The following ARSA variants were observed in gnomAD, a reference collection of about 807,000 sequenced individuals.
ARSA encodes the protein cerebroside-sulfatase.
Under a neutral mutation model 37.8 loss-of-function variants are expected in ARSA, and 32 were observed. That is an observed-to-expected ratio of 0.85 (90% confidence interval 0.64 to 1.14). ARSA has a LOEUF of 1.14. ARSA is among the 50% of genes most tolerant of loss of function. The pLI is 0.00. For synonymous variants in ARSA, 303 were observed against 303.4 expected, an observed-to-expected ratio of 1.00 and a Z score of 0.01; for missense variants, 685 against 686.3, an observed-to-expected ratio of 1.00 and a Z score of 0.02.
rs1194275343 is a variant in ARSA at position 50,624,974 on chromosome 22, G to A, written c.*171C>T. ...CCTCAGTTTCCTCATTCGTACCACA[G>A]GGGACCGGCACCAGCACACAGCATT... On this transcript the variant is annotated 3_prime_UTR_variant, in exon 8 of 8. Transcript: ENST00000216124. The A allele has an allele frequency of 1.3e-6, 1 of 788,696 alleles. No homozygotes were observed. Among genetic ancestry groups the A allele is most frequent in the Admixed American group, 3.1e-5 (1 of 31,812 alleles). The allele number at this position is 788,696 out of a possible 1,614,324, so 48.9% of individuals were successfully genotyped here.
At position 50,627,601 on chromosome 22, in the gene ARSA, C is replaced by G. The variant is rs750005732; in HGVS notation, c.179G>C (p.Arg60Pro). The change falls in exon 1 of 8, where the codon CGG (arginine) becomes CCG (proline). Residue 60 changes from arginine to proline, a missense_variant. Transcript: ENST00000216124. ...CACAGGCACGTAGAAGTCTGTGAAC[C>G]GCAGCCCTCCCGCCGCCAGCTGGTC... is the stretch of plus-strand genomic sequence containing the variant. Reference protein sequence around the residue: ...NLDQLAAGGLRFTDFYVPVSL... With the variant: ...NLDQLAAGGLPFTDFYVPVSL... 1 of 1,563,266 alleles carries G rather than the reference C, an allele frequency of 6.4e-7. No individual in the cohort carries two copies. Among genetic ancestry groups the G allele is most frequent in the East Asian group, 2.4e-5 (1 of 42,154 alleles).
chr22:50,626,684 A>T lies in ARSA; in HGVS notation c.761T>A (p.Met254Lys). The T allele has an allele frequency of 6.2e-7, 1 of 1,614,132 alleles. No individual in the cohort carries two copies. The highest frequency in any genetic ancestry group is 8.5e-7 in the Non-Finnish European group (1 of 1,180,014). ...SGRGPFGDSLMELDAAVGTLM... is the reference protein window; with the variant it reads ...SGRGPFGDSLKELDAAVGTLM... ...GGTCCCCACAGCTGCATCCAGCTCC[A>T]TCAGGGAGTCCCCAAATGGCCCGCG... The change falls in exon 4 of 8, where the codon ATG (methionine) becomes AAG (lysine). Residue 254 changes from methionine to lysine, a missense_variant. By Grantham distance (95) the Met-to-Lys change is moderately conservative. Transcript: ENST00000216124.
At position 50,625,284 on chromosome 22, in the gene ARSA, A is replaced by G. The variant is rs1359163831; in HGVS notation, c.1391T>C (p.Leu464Pro). 1 of 1,612,910 alleles carries G rather than the reference A, an allele frequency of 6.2e-7. No individual in the cohort carries two copies. Among genetic ancestry groups the G allele is most frequent in the Non-Finnish European group, 8.5e-7 (1 of 1,179,894 alleles). Residue 464 changes from leucine (L) to proline (P), a missense_variant, in exon 8 of 8, where the codon CTC becomes CCC. Transcript: ENST00000216124. The part of the protein sequence containing the change: ...VLQALKQLQL[L>P]KAQLDAAVTF... ...CACAGCTGCGTCTAACTGGGCCTTG[A>G]GCAGCTGAAGCTGTTTCAGGGCTTG... is the stretch of plus-strand genomic sequence containing the variant.
chr22:50,627,126 G>A (rs1234719108), intron 2 of ARSA, 40 bp downstream of exon 2: 2 of 1,596,470 alleles, frequency 1.3e-6, no homozygotes, highest in Non-Finnish European at 1.7e-6. Context: ...GGGGGACTTT[G>A]GGAGGTGGGA....
rs1384553449 is a variant in ARSA at position 50,625,646 on chromosome 22, G to A, written c.1143C>T (p.Tyr381=). ...CAAAAACCCCACGGACCTCGTCTGG[G>A]TAGGACGGGTAGAAGAAGAGAGACT... is the stretch of plus-strand genomic sequence containing the variant. ...PRQSLFFYPS[Y]PDEVRGVFAV... The change falls in exon 7 of 8, where the codon TAC becomes TAT. Residue 381 remains tyrosine (Y), a synonymous_variant. Coordinates refer to ENST00000216124, the MANE Select transcript of ARSA (RefSeq NM_000487.6). 1 of 1,613,766 alleles carries A rather than the reference G, an allele frequency of 6.2e-7. No individual in the cohort carries two copies. Among genetic ancestry groups the A allele is most frequent in the Admixed American group, 1.7e-5 (1 of 60,024 alleles).
chr22:50,626,573 G>A lies in ARSA; in HGVS notation c.854+18C>T. The A allele has an allele frequency of 3.7e-6, 6 of 1,611,172 alleles. No homozygotes were observed. Among genetic ancestry groups the A allele is most frequent in the Non-Finnish European group, 5.1e-6 (6 of 1,180,030 alleles). ...GCCCGTGACAGGGCCGGAGCACCCAGCTGCCCTGCTGGCATACCCATTGTC... is the reference window on the plus strand; with the variant it reads ...GCCCGTGACAGGGCCGGAGCACCCAACTGCCCTGCTGGCATACCCATTGTC... On this transcript the variant is annotated intron_variant, in intron 4 of 7. Coordinates refer to ENST00000216124, the MANE Select transcript of ARSA (RefSeq NM_000487.6).
At chr22:50,627,477 T>A in intron 1 of ARSA, 71 bp from the exon 2 acceptor site, 1 of 1,595,618 alleles carries the variant, frequency 6.3e-7, no homozygotes, top group Non-Finnish European at 8.5e-7. Context: ...AGACAGACGT[T>A]TTTCCCGCCC....
Position 50,626,165 on chromosome 22 carries a change from T to C in ARSA, c.968A>G (p.His323Arg). The C allele has an allele frequency of 6.2e-7, 1 of 1,605,226 alleles. No individual in the cohort carries two copies. Among genetic ancestry groups the C allele is most frequent in the South Asian group, 1.1e-5 (1 of 89,468 alleles). Residue 323 changes from histidine (H) to arginine (R), a missense_variant, in exon 5 of 8, where the codon CAT becomes CGT. Physicochemically the swap from His to Arg is conservative, Grantham distance 29. Transcript: ENST00000216124. Reference sequence around the variant, plus strand: ...GCCTGCGGACTGACCGGGAGCGATATGACCTGGCCAGAAGGCCAAGGCAGG... The same window carrying C: ...GCCTGCGGACTGACCGGGAGCGATACGACCTGGCCAGAAGGCCAAGGCAGG... ...REPALAFWPG[H>R]IAPGVTHELA...
chr22:50,626,719 C>A lies in ARSA; in HGVS notation c.726G>T (p.Glu242Asp). The A allele has an allele frequency of 6.2e-7, 1 of 1,614,104 alleles. No individual in the cohort carries two copies. Among genetic ancestry groups the A allele is most frequent in the Non-Finnish European group, 8.5e-7 (1 of 1,179,994 alleles). ...CCCCAAATGGCCCGCGGCCTGAACGCTCTGCAAAGCTCTGCCCACTGAACT... is the reference window on the plus strand; with the variant it reads ...CCCCAAATGGCCCGCGGCCTGAACGATCTGCAAAGCTCTGCCCACTGAACT... ...YPQFSGQSFAERSGRGPFGDS... is the reference protein window; with the variant it reads ...YPQFSGQSFADRSGRGPFGDS... Residue 242 changes from glutamate to aspartate, a missense_variant, in exon 4 of 8, where the codon GAG (glutamate) becomes GAT (aspartate). Physicochemically the swap from Glu to Asp is conservative, Grantham distance 45. Coordinates refer to ENST00000216124, the MANE Select transcript of ARSA (RefSeq NM_000487.6).
chr22:50,626,452 A>C lies in ARSA; in HGVS notation c.854+139T>G. On this transcript the variant is annotated intron_variant, in intron 4 of 7. Coordinates refer to ENST00000216124, the MANE Select transcript of ARSA (RefSeq NM_000487.6). The stretch of plus-strand genomic sequence containing the variant: ...TCTGTGCACTGTGTCTCCTGACTAC[A>C]CCTTGGGCCCCTGCAACGTGGCCAG... 3 of 1,487,538 alleles carry C rather than the reference A, an allele frequency of 2.0e-6. No individual in the cohort carries two copies. The South Asian group carries it at 3.5e-5, about 18-fold the overall frequency. The allele number at this position is 1,487,538 out of a possible 1,614,324, so 92.1% of individuals were successfully genotyped here.
Position 50,626,270 on chromosome 22 carries a change from G to T in ARSA, c.863C>A (p.Thr288Asn), listed in dbSNP as rs1391709910. 4 of 1,612,736 alleles carry T rather than the reference G, an allele frequency of 2.5e-6. No homozygotes were observed. In the Admixed American group the frequency reaches 5.0e-5, roughly 20 times the overall value. ...VIFTADNGPE[T>N]MRMSRGGCSG... is the part of the protein sequence containing the mutation. ...GCAGCCGCCTCGGGACATACGCATG[G>T]TCTCAGGTCTGGGACACAGGAGGCG... The change falls in exon 5 of 8, where the codon ACC (threonine) becomes AAC (asparagine). Residue 288 changes from threonine to asparagine, a missense_variant. Thr to Asn is a moderately conservative substitution (Grantham distance 65). Transcript: ENST00000216124.
At position 50,625,072 on chromosome 22, in the gene ARSA, C is replaced by T. The variant is rs2146715022; in HGVS notation, c.*73G>A. The stretch of plus-strand genomic sequence containing the variant: ...TATTACGTTATCAGGCACAAACCCC[C>T]TCCAGACACCTGAGCCTCCCCCACA... On this transcript the variant is annotated 3_prime_UTR_variant, in exon 8 of 8. Transcript: ENST00000216124. 1 of 1,433,812 alleles carries T rather than the reference C, an allele frequency of 7.0e-7. No individual in the cohort carries two copies. The highest frequency in any genetic ancestry group is 9.2e-7 in the Non-Finnish European group (1 of 1,092,806). The allele number at this position is 1,433,812 out of a possible 1,614,324, so 88.8% of individuals were successfully genotyped here.
chr22:50,627,824 C>T lies in ARSA; in HGVS notation c.-45G>A. ...CAAGAGAGGGAGGGCTACTTGGCTC[C>T]AGCAGGCTCTTTCCGATACCGCAGA... On this transcript the variant is annotated 5_prime_UTR_variant, in exon 1 of 8. Transcript: ENST00000216124. 1.3e-6 allele frequency: 2 copies of T among 1,510,118 alleles called. No individual in the cohort carries two copies. The highest frequency in any genetic ancestry group is 1.8e-6 in the Non-Finnish European group (2 of 1,125,288). The allele number at this position is 1,510,118 out of a possible 1,614,324, so 93.5% of individuals were successfully genotyped here.
chr22:50,627,275 AGGTAGCCTC>A lies in ARSA; in HGVS notation c.347_355del (p.Arg116_Tyr118del), dbSNP rs1425396961. ...GTGCCACTTGCCGGCCATTCCTGTG[AGGTAGCCTC>A]GGGCAGCCAGGACTTCGGCCACGGT... On this transcript the variant is annotated inframe_deletion, in exon 2 of 8. Coordinates refer to ENST00000216124, the MANE Select transcript of ARSA (RefSeq NM_000487.6). 1 of 1,596,166 alleles carries A rather than the reference AGGTAGCCTC, an allele frequency of 6.3e-7. No homozygotes were observed. The highest frequency in any genetic ancestry group is 1.3e-5 in the African/African-American group (1 of 74,504).
rs1221925274 is a variant in ARSA at position 50,626,460 on chromosome 22, C to T, written c.854+131G>A. The T allele has an allele frequency of 4.0e-6, 6 of 1,498,468 alleles. No homozygotes were observed. In the African/African-American group the frequency reaches 5.5e-5, roughly 14 times the overall value. The allele number at this position is 1,498,468 out of a possible 1,614,324, so 92.8% of individuals were successfully genotyped here. Reference sequence around the variant, plus strand: ...CTGTGTCTCCTGACTACACCTTGGGCCCCTGCAACGTGGCCAGCATCTCCT... The same window carrying T: ...CTGTGTCTCCTGACTACACCTTGGGTCCCTGCAACGTGGCCAGCATCTCCT... On this transcript the variant is annotated intron_variant, in intron 4 of 7. Coordinates refer to ENST00000216124, the MANE Select transcript of ARSA (RefSeq NM_000487.6).
At position 50,624,992 on chromosome 22, in the gene ARSA, A is replaced by G. The variant is rs1021498685; in HGVS notation, c.*153T>C. 20 of 944,646 alleles carry G rather than the reference A, an allele frequency of 2.1e-5. No homozygotes were observed. The highest frequency in any genetic ancestry group is 3.0e-5 in the Admixed American group (1 of 32,854). The allele number at this position is 944,646 out of a possible 1,614,324, so 58.5% of individuals were successfully genotyped here. On this transcript the variant is annotated 3_prime_UTR_variant, in exon 8 of 8. Coordinates refer to ENST00000216124, the MANE Select transcript of ARSA (RefSeq NM_000487.6). ...TACCACAGGGGACCGGCACCAGCAC[A>G]CAGCATTACCCCAGGATTGGACGAA...
At position 50,626,709 on chromosome 22, in the gene ARSA, G is replaced by A. The variant is rs74315470; in HGVS notation, c.736C>T (p.Arg246Cys). The change falls in exon 4 of 8, where the codon CGC (arginine) becomes TGC (cysteine). Residue 246 changes from arginine to cysteine, a missense_variant. Physicochemically the swap from Arg to Cys is radical, Grantham distance 180 (BLOSUM62 -3). Coordinates refer to ENST00000216124, the MANE Select transcript of ARSA (RefSeq NM_000487.6). ...SGQSFAERSG[R>C]GPFGDSLMEL... ...ATCAGGGAGTCCCCAAATGGCCCGC[G>A]GCCTGAACGCTCTGCAAAGCTCTGC... The A allele has an allele frequency of 2.6e-5, 42 of 1,613,986 alleles. No individual in the cohort carries two copies. The highest frequency in any genetic ancestry group is 3.3e-5 in the Non-Finnish European group (39 of 1,180,028).
chr22:50,626,631 G>A lies in ARSA; in HGVS notation c.814C>T (p.Leu272=), dbSNP rs780463755. ...AAGATGACCAGCGTCTCTTCAAGCAGCCCCAGGTCCCCTATGGCTGTCATC... is the reference window on the plus strand; with the variant it reads ...AAGATGACCAGCGTCTCTTCAAGCAACCCCAGGTCCCCTATGGCTGTCATC... ...TLMTAIGDLG[L]LEETLVIFTA... The change falls in exon 4 of 8, where the codon CTG becomes TTG. Residue 272 remains leucine, a synonymous_variant. Coordinates refer to ENST00000216124, the MANE Select transcript of ARSA (RefSeq NM_000487.6). 3.7e-6 allele frequency: 6 copies of A among 1,614,046 alleles called. No homozygotes were observed. Among genetic ancestry groups the A allele is most frequent in the Non-Finnish European group, 5.1e-6 (6 of 1,180,032 alleles).
In ARSA at chr22:50,625,565, C is replaced by A. The variant is rs557367346; in HGVS notation, c.1210+14G>T. 6.2e-7 allele frequency: 1 copy of A among 1,611,702 alleles called. No individual in the cohort carries two copies. The highest frequency in any genetic ancestry group is 8.5e-7 in the Non-Finnish European group (1 of 1,179,080). On this transcript the variant is annotated intron_variant, in intron 7 of 7. Coordinates refer to ENST00000216124, the MANE Select transcript of ARSA (RefSeq NM_000487.6). ...TCAGCAGGTCGGGGGGAGGGATCCA[C>A]GGGGAGGGGTTACCCTGGGTGAAGA...
Sources: allele counts gnomAD v4.1 joint callset, GRCh38; gene constraint gnomAD v4.1.1; transcripts MANE v1.5; gene names NCBI Gene and HGNC (gene_info 2026-07-23, HGNC 2026-07-21).